Variants in DCPS observed in about 807,000 individuals in gnomAD.
The protein encoded by DCPS is decapping enzyme, scavenger.
A neutral mutation model predicts 34.7 loss-of-function variants in DCPS; 27 were observed. The ratio of observed to expected loss-of-function variants is 0.78; its 90% confidence interval spans 0.57 to 1.07. The LOEUF is 1.07. Ranked by LOEUF, DCPS falls within the 50% of genes least tolerant of loss-of-function variation. DCPS has a pLI of 0.00. For synonymous variants in DCPS, 185 were observed against 185.7 expected (o/e 1.00, Z 0.03); for missense variants, 464 against 436.9 (o/e 1.06, Z -0.55).
At chr11:126,324,627 GC>G (rs1951727913) in intron 2 of DCPS, among the ~76,000 whole-genome samples, 9 of 114,504 alleles carry the variant, frequency 7.9e-5, no homozygotes, top group Non-Finnish European at 1.5e-4. Flanking sequence ...TAATTTTTCT[GC>G]CTTTTTTTTT....
intron 4 of DCPS, 90 bp from the exon 5 acceptor site, chr11:126,343,217 T>C: frequency 1.9e-6 from 2 of 1,036,970 alleles, no homozygotes; most frequent in East Asian, 5.2e-5. Flanking sequence ...CAGGGGTGGG[T>C]GCTTCCTGGC....
rs556010193 is a variant in DCPS, at chr11:126,312,479, C to G, written c.376+5735C>G. ...TCAGCCTCCTGAGTAGCTGGGACTA[C>G]AGGCACCCGCCACCACACCCAGCTA... On this transcript the variant is annotated intron_variant, in intron 2 of 5. Transcript: ENST00000263579. The surrounding 1 kb of genome is among the most constrained non-coding windows in gnomAD (Gnocchi z 5.1). Among the ~76,000 whole-genome samples, 1 of 152,150 alleles carries G rather than the reference C, an allele frequency of 6.6e-6. No homozygotes were observed. The highest frequency in any genetic ancestry group is 2.4e-5 in the African/African-American group (1 of 41,514).
Position 126,322,832 on chromosome 11 carries a change from C to G in DCPS, c.377-8573C>G, listed in dbSNP as rs1555074142. ...TATCCTAAAATTCTTTAGCAAGAAG[C>G]AAAAAAATTTTTTTGAGACAATGTC... On this transcript the variant is annotated intron_variant, in intron 2 of 5. Transcript: ENST00000263579. The surrounding 1 kb of genome is among the most constrained non-coding windows in gnomAD (Gnocchi z 4.2). 6.6e-6 allele frequency among the ~76,000 whole-genome samples: 1 copy of G among 151,954 alleles called. No homozygotes were observed. The highest frequency in any genetic ancestry group is 1.5e-5 in the Non-Finnish European group (1 of 67,984).
rs1951697478 is a variant in DCPS at position 126,320,475 on chromosome 11, T to TGCTTGAGCTCAGGAGG, written c.377-10930_377-10929insGCTTGAGCTCAGGAGG. Among the ~76,000 whole-genome samples the TGCTTGAGCTCAGGAGG allele has an allele frequency of 2.6e-5, 4 of 151,904 alleles. No homozygotes were observed. Among genetic ancestry groups the TGCTTGAGCTCAGGAGG allele is most frequent in the African/African-American group, 9.7e-5 (4 of 41,374 alleles). ...TTTATAGCCTGCTCTGACAATGATA[T>TGCTTGAGCTCAGGAGG]TAAAGGAATATTCTTAAAAAAAAAT... On this transcript the variant is annotated intron_variant, in intron 2 of 5. Transcript: ENST00000263579. The surrounding 1 kb of genome is among the most constrained non-coding windows in gnomAD (Gnocchi z 4.7).
intron 4 of DCPS, 110 bp from the exon 5 acceptor site, chr11:126,343,196 GC>G: frequency 2.5e-6 from 2 of 796,434 alleles, no homozygotes; most frequent in Non-Finnish European, 4.2e-6. Flanking sequence ...TTCTCCTGGT[GC>G]TGTAGGCCTC....
Position 126,328,085 on chromosome 11 carries a change from C to T in DCPS, c.377-3320C>T, listed in dbSNP as rs908473282. ...AGGAGGGTCAGCTCGGCCGTGGGAG[C>T]GGCCAGGGCACGGCCTGGAGAGGAG... On this transcript the variant is annotated intron_variant, in intron 2 of 5. Coordinates refer to ENST00000263579, the MANE Select transcript of DCPS (RefSeq NM_014026.6). The surrounding 1 kb of genome is among the most constrained non-coding windows in gnomAD (Gnocchi z 6.6). 1.3e-5 allele frequency among the ~76,000 whole-genome samples: 2 copies of T among 152,164 alleles called. No individual in the cohort carries two copies. The highest frequency in any genetic ancestry group is 2.1e-4 in the South Asian group (1 of 4,826).
At position 126,337,677 on chromosome 11, in the gene DCPS, C is replaced by G. The variant is rs531721021; in HGVS notation, c.523-609C>G. The stretch of plus-strand genomic sequence containing the variant: ...GCGGGGTCTGTGTCAGCAGAGACTG[C>G]TGATAAACCGGCATCTGCAGCGGCT... On this transcript the variant is annotated intron_variant, in intron 3 of 5. Coordinates refer to ENST00000263579, the MANE Select transcript of DCPS (RefSeq NM_014026.6). The surrounding 1 kb of genome is among the most constrained non-coding windows in gnomAD (Gnocchi z 5.3). 1 of 153,552 alleles carries G rather than the reference C, an allele frequency of 6.5e-6. No homozygotes were observed. The highest frequency in any genetic ancestry group is 1.9e-4 in the East Asian group (1 of 5,198). 9.5% of individuals were successfully genotyped at this position (153,552 alleles called of 1,614,324 possible).
At chr11:126,306,038 G>A (rs751359479) in intron 1 of DCPS, among the ~76,000 whole-genome samples, 3 of 152,158 alleles carry the variant, frequency 2.0e-5, no homozygotes, top group African/African-American at 4.8e-5. Flanking sequence ...TTGTATTCTG[G>A]GGAAGAAAGG....
Position 126,347,370 on chromosome 11 carries a change from T to C in DCPS, c.*1757T>C, listed in dbSNP as rs1221073399. Among the ~76,000 whole-genome samples the C allele has an allele frequency of 1.3e-5, 2 of 151,710 alleles. No individual in the cohort carries two copies. Among genetic ancestry groups the C allele is most frequent in the Non-Finnish European group, 2.9e-5 (2 of 67,942 alleles). Reference sequence around the variant, plus strand: ...TCCTGAGTAGCTGGGACTACAGGGGTGCGCCCCCATGCCCAGCTAATTTTT... The same window carrying C: ...TCCTGAGTAGCTGGGACTACAGGGGCGCGCCCCCATGCCCAGCTAATTTTT... On this transcript the variant is annotated 3_prime_UTR_variant, in exon 6 of 6. Coordinates refer to ENST00000263579, the MANE Select transcript of DCPS (RefSeq NM_014026.6). The surrounding 1 kb of genome is among the most constrained non-coding windows in gnomAD (Gnocchi z 4.2).
rs1591393321 is a variant in DCPS, at chr11:126,343,307, C to A, written c.637C>A (p.Leu213Ile). The change falls in exon 5 of 6, where the codon CTC (leucine) becomes ATC (isoleucine). Residue 213 changes from leucine (L) to isoleucine (I), a missense_variant and splice_region_variant. Coordinates refer to ENST00000263579, the MANE Select transcript of DCPS (RefSeq NM_014026.6). ...TGGTCTCCCCTTGCTCTCTACGCAG[C>A]TCGATGACTTGTACTTGATCGCCAT... ...IPDLKWNQQQ[L>I]DDLYLIAICH... 1 of 1,612,674 alleles carries A rather than the reference C, an allele frequency of 6.2e-7. No individual in the cohort carries two copies. Among genetic ancestry groups the A allele is most frequent in the Admixed American group, 1.7e-5 (1 of 59,914 alleles).
intron 4 of DCPS, 127 bp from the exon 5 acceptor site, chr11:126,343,180 C>T (rs1951889764): frequency 1.0e-5 from 7 of 697,700 alleles, no homozygotes; most frequent in Admixed American, 2.1e-5. Context: ...AGATGCCCTG[C>T]GGGGTTTCTC....
chr11:126,320,658 C>G lies in DCPS; in HGVS notation c.377-10747C>G, dbSNP rs905277959. Among the ~76,000 whole-genome samples, 1 of 152,024 alleles carries G rather than the reference C, an allele frequency of 6.6e-6. No individual in the cohort carries two copies. The highest frequency in any genetic ancestry group is 6.6e-5 in the Admixed American group (1 of 15,242). On this transcript the variant is annotated intron_variant, in intron 2 of 5. Transcript: ENST00000263579. This position sits in a 1 kb window ranked among gnomAD's most constrained non-coding sequence, Gnocchi z 4.7. ...TATCTACAAAAAATACAAAAATTAG[C>G]CAGGTGTAGTGGTGTGTGCCTATAG...
chr11:126,345,723 C>T lies in DCPS; in HGVS notation c.*110C>T. The T allele has an allele frequency of 6.7e-7, 1 of 1,484,908 alleles. No homozygotes were observed. The highest frequency in any genetic ancestry group is 9.0e-7 in the Non-Finnish European group (1 of 1,107,488). 92.0% of individuals were successfully genotyped at this position (1,484,908 alleles called of 1,614,324 possible). A position where few individuals can be genotyped will look rare whatever the true frequency, so the allele number is the denominator to read the frequency against. On this transcript the variant is annotated 3_prime_UTR_variant, in exon 6 of 6. Transcript: ENST00000263579. This position sits in a 1 kb window ranked among gnomAD's most constrained non-coding sequence, Gnocchi z 7.4. Reference sequence around the variant, plus strand: ...AAATGTATTTTATACCGGCTTATTCCTAGTATTGAATAAACTAGCGGGCTC... The same window carrying T: ...AAATGTATTTTATACCGGCTTATTCTTAGTATTGAATAAACTAGCGGGCTC...
Position 126,304,085 on chromosome 11 carries a change from C to G in DCPS, c.5C>G (p.Ala2Gly). ...GCACACCGCCTCCGCGGCAGCATGG[C>G]GGACGCAGCTCCTCAACTAGGCAAG... M[A>G]DAAPQLGKRK... The change falls in exon 1 of 6, where the codon GCG becomes GGG. Residue 2 changes from alanine (A) to glycine (G), a missense_variant. Physicochemically the swap from Ala to Gly is moderately conservative, Grantham distance 60. Transcript: ENST00000263579. 2.5e-6 allele frequency: 4 copies of G among 1,597,988 alleles called. No individual in the cohort carries two copies. Among genetic ancestry groups the G allele is most frequent in the Non-Finnish European group, 3.4e-6 (4 of 1,172,488 alleles).
In DCPS at chr11:126,304,278, G is replaced by T. The variant is rs779527835; in HGVS notation, c.198G>T (p.Gly66=). The change falls in exon 1 of 6, where the codon GGG becomes GGT. Residue 66 remains glycine, a synonymous_variant. Coordinates refer to ENST00000263579, the MANE Select transcript of DCPS (RefSeq NM_014026.6). ...SARDKIIFLH[G]KVNEASGDGD... ...GGGACAAAATCATTTTCCTACACGG[G>T]AAGGTACCAGGAGGCAACCCTGAGG... The T allele has an allele frequency of 1.2e-6, 2 of 1,614,196 alleles. No individual in the cohort carries two copies. The highest frequency in any genetic ancestry group is 1.7e-6 in the Non-Finnish European group (2 of 1,180,030).
At chr11:126,314,415 A>T (rs1467931802) in intron 2 of DCPS, among the ~76,000 whole-genome samples, 2 of 151,382 alleles carry the variant, frequency 1.3e-5, no homozygotes, top group African/African-American at 4.9e-5. Context: ...TACAACCATT[A>T]CGGGAAACAG....
intron 1 of DCPS, 136 bp from the exon 2 acceptor site, chr11:126,306,434 C>T (rs939126928): frequency 1.0e-6 from 1 of 966,482 alleles, no homozygotes; most frequent in Admixed American, 3.1e-5. Flanking sequence ...ATTGGCTAGA[C>T]TTCCCCAGAG....
At position 126,343,387 on chromosome 11, in the gene DCPS, G is replaced by A. The variant is rs79514900; in HGVS notation, c.717G>A (p.Pro239=). Reference sequence around the variant, plus strand: ...GCGACCTTACTCCGGAGCACTTGCCGCTGCTCAGGAACATCCTCCACCAGG... The same window carrying A: ...GCGACCTTACTCCGGAGCACTTGCCACTGCTCAGGAACATCCTCCACCAGG... ...SLRDLTPEHL[P]LLRNILHQGQ... The change falls in exon 5 of 6, where the codon CCG becomes CCA. Residue 239 remains proline (P), a synonymous_variant. Transcript: ENST00000263579. The A allele has an allele frequency of 1.5e-4, 249 of 1,613,750 alleles. No individual in the cohort carries two copies. The African/African-American group carries it at 3.1e-3, about 20-fold the overall frequency.
In DCPS at chr11:126,345,283, G is replaced by A; in HGVS notation, c.748-64G>A. 6.3e-7 allele frequency: 1 copy of A among 1,591,902 alleles called. No individual in the cohort carries two copies. The highest frequency in any genetic ancestry group is 8.5e-7 in the Non-Finnish European group (1 of 1,169,878). On this transcript the variant is annotated intron_variant, in intron 5 of 5. Transcript: ENST00000263579. This position sits in a 1 kb window ranked among gnomAD's most constrained non-coding sequence, Gnocchi z 7.4. ...TTCAGATGGGAGGAGGGTCTAGGTG[G>A]GGACATGGCGCCGGGCCTCAGGCAG...
Sources: gnomAD v4.1 joint callset for allele counts (sites outside exome capture counted in the v4.1 genomes callset) on GRCh38, gnomAD v4.1.1 for gene constraint, Gnocchi (gnomAD v3.1) non-coding constraint, MANE v1.5 for transcripts, NCBI Gene and HGNC (gene_info 2026-07-23, HGNC 2026-07-21) for gene names.